Variants in MDN1 observed in about 807,000 individuals in gnomAD.
MDN1 encodes the protein midasin.
In MDN1, 266 loss-of-function variants were observed where a neutral mutation model predicts 669.2. That is an observed-to-expected ratio of 0.40 (90% confidence interval 0.36 to 0.44). MDN1 has a LOEUF of 0.44. Among genes scored for constraint, MDN1 ranks in the 20% least tolerant of loss-of-function variants. MDN1 has a pLI of 1.00. For missense variants in MDN1, 5,940 were observed against 6,754.0 expected (o/e 0.88, Z 4.22); for synonymous variants, 2,385 against 2,457.1 (o/e 0.97, Z 0.87).
intron 92 of MDN1, among the ~76,000 whole-genome samples, chr6:89,654,908 G>A (rs1809147513): frequency 6.6e-6 from 1 of 152,188 alleles, no homozygotes; most frequent in Non-Finnish European, 1.5e-5. Flanking sequence ...ACAAGGCACA[G>A]AAAGACGAAT....
In MDN1 at chr6:89,732,810, A is replaced by C. The variant is rs1315904926; in HGVS notation, c.4724-35T>G. The C allele has an allele frequency of 3.8e-6, 6 of 1,597,308 alleles. No homozygotes were observed. The East Asian group carries it at 1.3e-4, about 36-fold the overall frequency. On this transcript the variant is annotated intron_variant, in intron 33 of 101. Coordinates refer to ENST00000369393, the MANE Select transcript of MDN1 (RefSeq NM_014611.3). ...AGAAACAAAAAAAGCATTTGCTGTT[A>C]ACGGGAGATCCCAGAACAAAAGTTC... is the stretch of plus-strand genomic sequence containing the variant.
In MDN1 at chr6:89,652,289, G is replaced by C. The variant is rs780864558; in HGVS notation, c.15826-8C>G. ...GACATCTTTTAAAAAGGGCTAAAAA[G>C]AAAAAGCCATAGATAAGAGGTGGCC... On this transcript the variant is annotated splice_region_variant and splice_polypyrimidine_tract_variant and intron_variant, in intron 94 of 101. Coordinates refer to ENST00000369393, the MANE Select transcript of MDN1 (RefSeq NM_014611.3). 9.9e-6 allele frequency: 16 copies of C among 1,610,924 alleles called. No homozygotes were observed. The highest frequency in any genetic ancestry group is 1.4e-5 in the Non-Finnish European group (16 of 1,179,014).
chr6:89,702,255 A>G (rs1183466281), intron 53 of MDN1, among the ~76,000 whole-genome samples, 194 bp from the exon 54 acceptor site: 1 of 152,266 alleles, frequency 6.6e-6, no homozygotes, highest in Non-Finnish European at 1.5e-5. Context: ...ATGTAGGAAC[A>G]GTAAGGCAGA....
At chr6:89,708,414 G>A in intron 51 of MDN1, 82 bp downstream of exon 51, 3 of 1,518,886 alleles carry the variant, frequency 2.0e-6, no homozygotes, top group Non-Finnish European at 2.7e-6. Context: ...ACACACATAA[G>A]CTATTTGACA....
rs989851725 is a variant in MDN1, at chr6:89,700,803, A to C, written c.8481T>G (p.Leu2827=). ...GGGCAGACATCTGCTCCCTGATGGCAAGGACTTTGTTAAGGACCTTCAGTT... is the reference window on the plus strand; with the variant it reads ...GGGCAGACATCTGCTCCCTGATGGCCAGGACTTTGTTAAGGACCTTCAGTT... ...FSQLKVLNKV[L]AIREQMSALG... The change falls in exon 56 of 102, where the codon CTT becomes CTG. Residue 2827 remains leucine (L), a synonymous_variant. Transcript: ENST00000369393. 1 of 1,614,100 alleles carries C rather than the reference A, an allele frequency of 6.2e-7. No individual in the cohort carries two copies. Among genetic ancestry groups the C allele is most frequent in the African/African-American group, 1.3e-5 (1 of 74,938 alleles).
chr6:89,680,449 T>G, intron 74 of MDN1, 140 bp downstream of exon 74: 1 of 1,005,710 alleles, frequency 9.9e-7, no homozygotes, highest in Non-Finnish European at 1.4e-6. Context: ...CTGTGGGTTT[T>G]TAAGCCCACT....
intron 5 of MDN1, among the ~76,000 whole-genome samples, chr6:89,793,046 A>G (rs1342884477): frequency 6.6e-6 from 1 of 152,152 alleles, no homozygotes; most frequent in Non-Finnish European, 1.5e-5. Context: ...CTATGGAAAA[A>G]GAGACTGGCT....
intron 12 of MDN1, 124 bp downstream of exon 12, chr6:89,776,476 C>T (rs1244382783): frequency 7.5e-6 from 5 of 669,438 alleles, no homozygotes; most frequent in South Asian, 4.1e-5. Flanking sequence ...AATAAAAGCA[C>T]CAACTTTTAC....
At chr6:89,713,450 G>C (rs886229937) in intron 46 of MDN1, among the ~76,000 whole-genome samples, 154 bp from the exon 47 acceptor site, 1 of 152,034 alleles carries the variant, frequency 6.6e-6, no homozygotes, top group Non-Finnish European at 1.5e-5. Flanking sequence ...AGAGTCCTCC[G>C]AGGGCACAAA....
In MDN1 at chr6:89,646,557, G is replaced by A. The variant is rs745704311; in HGVS notation, c.16442C>T (p.Ser5481Leu). ...CAGCTCACCTGAACTGATGTTCTGC[G>A]AGAGCTGCTGAGCAGCTGCAAACAT... is the stretch of plus-strand genomic sequence containing the variant. ...ANMFAAAQQL[S>L]QNISSETAQL... The change falls in exon 100 of 102, where the codon TCG (serine) becomes TTG (leucine). Residue 5481 changes from serine to leucine, a missense_variant. Physicochemically the swap from Ser to Leu is moderately radical, Grantham distance 145. Coordinates refer to ENST00000369393, the MANE Select transcript of MDN1 (RefSeq NM_014611.3). 8.1e-6 allele frequency: 13 copies of A among 1,613,974 alleles called. No individual in the cohort carries two copies. The highest frequency in any genetic ancestry group is 6.7e-5 in the Admixed American group (4 of 60,004).
chr6:89,689,704 A>C (rs1457515756), intron 65 of MDN1, among the ~76,000 whole-genome samples, 166 bp downstream of exon 65: 1 of 152,240 alleles, frequency 6.6e-6, no homozygotes, highest in Non-Finnish European at 1.5e-5. Context: ...ACAGAATCCT[A>C]AATCAATTTT....
intron 15 of MDN1, among the ~76,000 whole-genome samples, chr6:89,768,288 G>A (rs1387734395): frequency 6.6e-6 from 1 of 152,022 alleles, no homozygotes; most frequent in Non-Finnish European, 1.5e-5. Context: ...TCATGGGGGT[G>A]GGTCTTTCCC....
At position 89,645,130 on chromosome 6, in the gene MDN1, G is replaced by C; in HGVS notation, c.16487C>G (p.Ser5496Cys). 6.2e-7 allele frequency: 1 copy of C among 1,609,904 alleles called. No homozygotes were observed. Among genetic ancestry groups the C allele is most frequent in the South Asian group, 1.1e-5 (1 of 90,946 alleles). The change falls in exon 101 of 102, where the codon TCT becomes TGT. Residue 5496 changes from serine to cysteine, a missense_variant. Ser to Cys is a moderately radical substitution (Grantham distance 112). Around this residue, in one of 5 missense-constraint regions of MDN1, gnomAD observed 2,280 missense variants for 2,576.3 expected, o/e 0.88. Transcript: ENST00000369393. ...SETAQLLLVV[S>C]DGRGLFLEGK... ...CTCAAGGAAAAGGCCTCGCCCATCA[G>C]AGACTACCAGGAGGAGTTGTGCAGT...
chr6:89,751,826 A>G (rs761819736), intron 22 of MDN1, among the ~76,000 whole-genome samples: 1 of 152,228 alleles, frequency 6.6e-6, no homozygotes, highest in Non-Finnish European at 1.5e-5. Flanking sequence ...ACAAATTCCC[A>G]GAAGGTTTAT....
Position 89,678,587 on chromosome 6 carries a change from T to A in MDN1, c.12412+12A>T, listed in dbSNP as rs1210747290. 2 of 1,612,890 alleles carry A rather than the reference T, an allele frequency of 1.2e-6. No individual in the cohort carries two copies. Among genetic ancestry groups the A allele is most frequent in the Non-Finnish European group, 1.7e-6 (2 of 1,179,474 alleles). Reference sequence around the variant, plus strand: ...TGACTACATTTCATTGGGTTTCAAGTGAGAACCTTACCAATTTTTGCAAGG... The same window carrying A: ...TGACTACATTTCATTGGGTTTCAAGAGAGAACCTTACCAATTTTTGCAAGG... On this transcript the variant is annotated intron_variant, in intron 75 of 101. Coordinates refer to ENST00000369393, the MANE Select transcript of MDN1 (RefSeq NM_014611.3).
intron 2 of MDN1, among the ~76,000 whole-genome samples, chr6:89,795,209 T>A (rs1819517271): frequency 6.6e-6 from 1 of 152,222 alleles, no homozygotes; most frequent in Admixed American, 6.5e-5. Context: ...AAACATTTAT[T>A]CAGTTCTATG....
chr6:89,700,108 C>A lies in MDN1; in HGVS notation c.8825G>T (p.Arg2942Leu). 6.2e-7 allele frequency: 1 copy of A among 1,614,126 alleles called. No individual in the cohort carries two copies. The highest frequency in any genetic ancestry group is 8.5e-7 in the Non-Finnish European group (1 of 1,180,018). Residue 2942 changes from arginine to leucine, a missense_variant, in exon 57 of 102, where the codon CGG (arginine) becomes CTG (leucine). Physicochemically the swap from Arg to Leu is moderately radical, Grantham distance 102. Transcript: ENST00000369393. ...PAMEYLAMLW[R>L]YKVTADFMAQ... ...CATAAAATCAGCTGTCACTTTGTAC[C>A]GCCAAAGCATAGCCAGGTACTCCAT... is the stretch of plus-strand genomic sequence containing the variant.
rs1809250442 is a variant in MDN1, at chr6:89,655,913, T to C, written c.15341A>G (p.Asn5114Ser). ...ADNERSMGDH[N>S]ERVHKRLRTV... ...CCTCAGCCTCTTGTGCACACGCTCA[T>C]TGTGATCACCCATGGAACGTTCATT... The change falls in exon 92 of 102, where the codon AAT becomes AGT. Residue 5114 changes from asparagine to serine, a missense_variant. Coordinates refer to ENST00000369393, the MANE Select transcript of MDN1 (RefSeq NM_014611.3). 6 of 1,614,130 alleles carry C rather than the reference T, an allele frequency of 3.7e-6. No individual in the cohort carries two copies. Among genetic ancestry groups the C allele is most frequent in the East Asian group, 2.2e-5 (1 of 44,884 alleles).
intron 40 of MDN1, among the ~76,000 whole-genome samples, chr6:89,720,399 CAAA>C (rs559231591): frequency 2.8e-5 from 3 of 106,590 alleles, no homozygotes; most frequent in Admixed American, 9.9e-5. Flanking sequence ...GACTCCATCT[CAAA>C]AAAAAAAAAA....
Sources: gnomAD v4.1 joint callset for allele counts (sites outside exome capture counted in the v4.1 genomes callset) on GRCh38, gnomAD v4.1.1 for gene constraint, gnomAD v4.1.1 regional missense constraint, MANE v1.5 for transcripts, NCBI Gene and HGNC (gene_info 2026-07-23, HGNC 2026-07-21) for gene names.